TBPL1: variants seen among roughly 807,000 people sequenced by gnomAD.
The protein encoded by TBPL1 is TATA box-binding protein-like 1.
In TBPL1, 4 loss-of-function variants were observed where a neutral mutation model predicts 22.1. The observed-to-expected ratio is 0.18, with a 90% CI of 0.09 to 0.41. TBPL1 has a LOEUF of 0.41. TBPL1 is among the 10% of genes least tolerant of loss of function. The probability of loss-of-function intolerance (pLI) is 1.00; values close to 1 mark genes in which losing one functional copy is unlikely to be tolerated. For missense variants in TBPL1, 115 were observed against 222.3 expected, an observed-to-expected ratio of 0.52 and a Z score of 3.07; for synonymous variants, 64 against 71.0, an observed-to-expected ratio of 0.90 and a Z score of 0.50.
chr6:133,978,071 C>T (rs2114373176), intron 1 of TBPL1, among the ~76,000 whole-genome samples: 1 of 152,144 alleles, frequency 6.6e-6, no homozygotes, highest in South Asian at 2.1e-4. Flanking sequence ...TTATTTCTGC[C>T]ACATTGTACC....
chr6:133,987,674 CAT>C lies in TBPL1; in HGVS notation c.*635_*636del, dbSNP rs1776557802. On this transcript the variant is annotated 3_prime_UTR_variant, in exon 7 of 7. Transcript: ENST00000237264. ...TATATATATATATATATATGCACCA[CAT>C]GTGTATAGTATCTTTTAATGCTCTG... The C allele has an allele frequency of 2.2e-5, 3 of 133,640 alleles. No individual in the cohort carries two copies. The highest frequency in any genetic ancestry group is 5.9e-5 in the African/African-American group (2 of 33,908). 8.3% of individuals were successfully genotyped at this position (133,640 alleles called of 1,614,324 possible).
intron 1 of TBPL1, among the ~76,000 whole-genome samples, chr6:133,963,974 G>A (rs1429326490): frequency 6.6e-6 from 1 of 152,108 alleles, no homozygotes; most frequent in African/African-American, 2.4e-5. Context: ...CTGGGAGGCG[G>A]AGGTTGCAAT....
In TBPL1 at chr6:133,980,175, T is replaced by C. The variant is rs761761503; in HGVS notation, c.50T>C (p.Val17Ala). The C allele has an allele frequency of 3.1e-6, 5 of 1,609,422 alleles. No individual in the cohort carries two copies. Among genetic ancestry groups the C allele is most frequent in the Non-Finnish European group, 3.4e-6 (4 of 1,178,066 alleles). The change falls in exon 2 of 7, where the codon GTC (valine) becomes GCC (alanine). Residue 17 changes from valine to alanine, a missense_variant. Val to Ala is a moderately conservative substitution (Grantham distance 64). Coordinates refer to ENST00000237264, the MANE Select transcript of TBPL1 (RefSeq NM_004865.4). ...TTGGACATTCTAATTACAAATGTAGTCTGTGTTTTTAGAACAAGATGTCAT... is the reference window on the plus strand; with the variant it reads ...TTGGACATTCTAATTACAAATGTAGCCTGTGTTTTTAGAACAAGATGTCAT... ...VALDILITNV[V>A]CVFRTRCHLN... is the part of the protein sequence containing the mutation.
At chr6:133,982,198 A>C (rs151203096) in intron 2 of TBPL1, among the ~76,000 whole-genome samples, 1 of 152,202 alleles carries the variant, frequency 6.6e-6, no homozygotes, top group African/African-American at 2.4e-5. Context: ...AATGAAAGCA[A>C]CAGCTACTGC....
At position 133,954,961 on chromosome 6, in the gene TBPL1, A is replaced by G. The variant is rs139233683; in HGVS notation, c.-45+1536A>G. On this transcript the variant is annotated intron_variant, in intron 1 of 6. Coordinates refer to ENST00000237264, the MANE Select transcript of TBPL1 (RefSeq NM_004865.4). ...ATGGAATTGAGGTCCAGTGTCTGTT[A>G]AAGGAATTTCATTCATGTGTAAAGA... 4.2e-4 allele frequency among the ~76,000 whole-genome samples: 64 copies of G among 152,318 alleles called. 1 individual carries two copies. In the East Asian group the frequency reaches 0.011, roughly 26 times the overall value.
At chr6:133,977,204 G>A (rs1391123476) in intron 1 of TBPL1, among the ~76,000 whole-genome samples, 1 of 152,012 alleles carries the variant, frequency 6.6e-6, no homozygotes, top group Admixed American at 6.6e-5. Context: ...AAAAAGTACT[G>A]ACTTTTTATA....
chr6:133,983,391 GAATAA>G (rs1279566040), intron 4 of TBPL1, among the ~76,000 whole-genome samples: 1 of 152,196 alleles, frequency 6.6e-6, no homozygotes, highest in Non-Finnish European at 1.5e-5. Flanking sequence ...TGCAAATGAT[GAATAA>G]ATGAAAGATA....
rs746817023 is a variant in TBPL1, at chr6:133,989,683, T to C, written c.*2643T>C. On this transcript the variant is annotated 3_prime_UTR_variant, in exon 7 of 7. Coordinates refer to ENST00000237264, the MANE Select transcript of TBPL1 (RefSeq NM_004865.4). ...GCAGATCCAGGCCTTTTAGTCAGTC[T>C]CCTGAGTCTCTGATATAGTTTTACT... is the stretch of plus-strand genomic sequence containing the variant. The C allele has an allele frequency of 6.6e-6, 1 of 152,184 alleles. No homozygotes were observed. 9.4% of individuals were successfully genotyped at this position (152,184 alleles called of 1,614,324 possible).
Position 133,967,537 on chromosome 6 carries a change from T to A in TBPL1, c.-44-12545T>A, listed in dbSNP as rs188575688. Among the ~76,000 whole-genome samples the A allele has an allele frequency of 5.5e-3, 845 of 152,308 alleles. 11 individuals are homozygous for A. The highest frequency in any genetic ancestry group is 0.019 in the African/African-American group (800 of 41,556). Reference sequence around the variant, plus strand: ...ATCACGTGAACATCATAGAGTATAATTATATAAACCCAGACGGTAGAATCT... The same window carrying A: ...ATCACGTGAACATCATAGAGTATAAATATATAAACCCAGACGGTAGAATCT... On this transcript the variant is annotated intron_variant, in intron 1 of 6. Coordinates refer to ENST00000237264, the MANE Select transcript of TBPL1 (RefSeq NM_004865.4).
chr6:133,973,843 C>T (rs997181610), intron 1 of TBPL1, among the ~76,000 whole-genome samples: 2 of 152,030 alleles, frequency 1.3e-5, no homozygotes, highest in African/African-American at 4.8e-5. Context: ...AGAAACAGGA[C>T]AAAACACCTG....
At chr6:133,964,034 G>C (rs9493777) in intron 1 of TBPL1, among the ~76,000 whole-genome samples, 21,799 of 152,008 alleles carry the variant, frequency 0.14, 2,019 homozygotes, top group African/African-American at 0.27. Context: ...GAGCAAGACT[G>C]CGTCTCAAAA....
intron 1 of TBPL1, among the ~76,000 whole-genome samples, chr6:133,958,281 C>T (rs1015612026): frequency 2.0e-5 from 3 of 152,188 alleles, no homozygotes; most frequent in Non-Finnish European, 2.9e-5. Context: ...CGTTAGAAGG[C>T]ACTATTTTTT....
At chr6:133,954,788 C>T (rs954832726) in intron 1 of TBPL1, among the ~76,000 whole-genome samples, 10 of 152,330 alleles carry the variant, frequency 6.6e-5, no homozygotes, top group Admixed American at 5.2e-4. Context: ...TCCCCAGCCT[C>T]CTCTTTACGT....
rs1776547967 is a variant in TBPL1, at chr6:133,987,463, A to C, written c.*423A>C. 1 of 152,630 alleles carries C rather than the reference A, an allele frequency of 6.6e-6. No individual in the cohort carries two copies. Among genetic ancestry groups the C allele is most frequent in the Non-Finnish European group, 1.5e-5 (1 of 68,086 alleles). The allele number at this position is 152,630 out of a possible 1,614,324, so 9.5% of individuals were successfully genotyped here. A position where few individuals can be genotyped will look rare whatever the true frequency, so the allele number is the denominator to read the frequency against. ...TGTAAAAGTTATCTTTTTCAATTGA[A>C]TGTGCACAAATAAAAGTTTGGAAAA... is the stretch of plus-strand genomic sequence containing the variant. On this transcript the variant is annotated 3_prime_UTR_variant, in exon 7 of 7. Transcript: ENST00000237264.
chr6:133,971,328 G>A (rs1253572498), intron 1 of TBPL1, among the ~76,000 whole-genome samples: 1 of 152,180 alleles, frequency 6.6e-6, no homozygotes. Context: ...TGGACACTTA[G>A]ATTGATTCCA....
chr6:133,962,511 C>CA (rs549587543), intron 1 of TBPL1, among the ~76,000 whole-genome samples: 28 of 152,328 alleles, frequency 1.8e-4, no homozygotes, highest in African/African-American at 6.0e-4. Flanking sequence ...AATTGTGACT[C>CA]ACTCCATTCA....
intron 1 of TBPL1, among the ~76,000 whole-genome samples, chr6:133,972,820 C>T (rs1370992376): frequency 6.6e-6 from 1 of 152,118 alleles, no homozygotes; most frequent in East Asian, 1.9e-4. Flanking sequence ...ATTTAATGAA[C>T]ACATACTGTA....
chr6:133,977,715 C>T (rs1035786120), intron 1 of TBPL1, among the ~76,000 whole-genome samples: 36 of 152,204 alleles, frequency 2.4e-4, no homozygotes, highest in Admixed American at 2.4e-3. Context: ...ACTGATTTTT[C>T]TCTCATACTC....
chr6:133,984,535 A>G (rs774537839), intron 5 of TBPL1, 42 bp from the exon 6 acceptor site: 2 of 1,609,134 alleles, frequency 1.2e-6, no homozygotes, highest in East Asian at 2.2e-5. Flanking sequence ...ATTACTAGTC[A>G]GGGTATAAAT....
Sources: allele counts gnomAD v4.1 joint callset (sites outside exome capture counted in the v4.1 genomes callset), GRCh38; gene constraint gnomAD v4.1.1; transcripts MANE v1.5; gene names NCBI Gene and HGNC (gene_info 2026-07-23, HGNC 2026-07-21).